MYOM2: variants seen among roughly 807,000 people sequenced by gnomAD.
MYOM2 encodes myomesin-2.
MYOM2 carries 254 observed loss-of-function variants against 187.6 expected under a neutral mutation model. That is an observed-to-expected ratio of 1.35 (90% confidence interval 1.22 to 1.50). The LOEUF (loss-of-function observed/expected upper bound fraction) is 1.50. Ranked by LOEUF, MYOM2 falls within the 40% of genes most tolerant of loss-of-function variation. The pLI is 0.00. For synonymous variants in MYOM2, 981 were observed against 753.8 expected (o/e 1.30, Z -4.94); for missense variants, 2,796 against 1,924.0 (o/e 1.45, Z -8.48).
At chr8:2,112,290 T>C (rs1797092755) in intron 25 of MYOM2, among the ~76,000 whole-genome samples, 1 of 150,240 alleles carries the variant, frequency 6.7e-6, no homozygotes, top group Non-Finnish European at 1.5e-5. Flanking sequence ...GTAAACACTC[T>C]CAGAATTCAG....
intron 27 of MYOM2, among the ~76,000 whole-genome samples, chr8:2,116,995 C>T (rs971441723): frequency 3.9e-5 from 6 of 152,210 alleles, no homozygotes; most frequent in African/African-American, 7.2e-5. Flanking sequence ...GATCTCCTGA[C>T]CTCGTGATCC....
At chr8:2,064,661 C>T (rs1375811489) in intron 6 of MYOM2, among the ~76,000 whole-genome samples, 1 of 152,220 alleles carries the variant, frequency 6.6e-6, no homozygotes, top group African/African-American at 2.4e-5. Context: ...TTGCACTCCC[C>T]TGGGATCTTA....
At chr8:2,111,436 AC>A (rs1797064505) in intron 25 of MYOM2, among the ~76,000 whole-genome samples, 1 of 152,188 alleles carries the variant, frequency 6.6e-6, no homozygotes, top group Non-Finnish European at 1.5e-5. Flanking sequence ...CTGAGAATCT[AC>A]TCAGTGAGAA....
At chr8:2,109,193 C>A in intron 24 of MYOM2, 1 of 582,158 alleles carries the variant, frequency 1.7e-6, no homozygotes, top group Non-Finnish European at 2.9e-6. Context: ...TAACTGAGAA[C>A]TCATGTGGCA....
At chr8:2,083,410 C>G (rs1348385079) in intron 13 of MYOM2, among the ~76,000 whole-genome samples, 2 of 151,630 alleles carry the variant, frequency 1.3e-5, no homozygotes. Flanking sequence ...CTAGTGGCAT[C>G]TCACGTGTGC....
intron 32 of MYOM2, 40 bp from the exon 33 acceptor site, chr8:2,140,683 G>C (rs1369677608): frequency 3.7e-6 from 6 of 1,603,306 alleles, no homozygotes; most frequent in Non-Finnish European, 5.1e-6. Context: ...GTGTGACATG[G>C]AGACCCTAAC....
rs1819767934 is a variant in MYOM2 at position 2,085,171 on chromosome 8, C to G, written c.1517-92C>G. The G allele has an allele frequency of 4.1e-6, 6 of 1,478,610 alleles. No homozygotes were observed. The South Asian group carries it at 5.2e-5, about 13-fold the overall frequency. 91.6% of individuals were successfully genotyped at this position (1,478,610 alleles called of 1,614,324 possible). On this transcript the variant is annotated intron_variant, in intron 13 of 36. Coordinates refer to ENST00000262113, the MANE Select transcript of MYOM2 (RefSeq NM_003970.4). ...AAATAGAAACAAAACAAGTTCAACA[C>G]CCACGTGGCAGAGTCCTCCAGTGCC...
intron 1 of MYOM2, among the ~76,000 whole-genome samples, chr8:2,048,637 C>T (rs1045686226): frequency 2.6e-5 from 4 of 152,156 alleles, no homozygotes; most frequent in African/African-American, 7.2e-5. Flanking sequence ...CCCCAGGCCT[C>T]ATCAGAATGC....
intron 36 of MYOM2, 136 bp downstream of exon 36, chr8:2,143,592 C>A: frequency 9.6e-7 from 1 of 1,043,492 alleles, no homozygotes; most frequent in Admixed American, 2.0e-5. Context: ...AACCCAGAGT[C>A]CCCCCCACTT....
intron 28 of MYOM2, among the ~76,000 whole-genome samples, chr8:2,121,169 T>A (rs1446740536): frequency 1.3e-5 from 2 of 152,190 alleles, no homozygotes; most frequent in Admixed American, 1.3e-4. Flanking sequence ...CAGAAAGGTA[T>A]GTTTCTTCCA....
At position 2,085,304 on chromosome 8, in the gene MYOM2, T is replaced by G; in HGVS notation, c.1558T>G (p.Ser520Ala). Residue 520 changes from serine (S) to alanine (A), a missense_variant, in exon 14 of 37, where the codon TCC becomes GCC. Ser to Ala is a moderately conservative substitution (Grantham distance 99). Coordinates refer to ENST00000262113, the MANE Select transcript of MYOM2 (RefSeq NM_003970.4). ...VPGPPTGVHA[S>A]EISRNYVVLS... ...AGGGCCTCCCACCGGTGTGCACGCT[T>G]CCGAGATCAGCAGAAACTATGTCGT... is the stretch of plus-strand genomic sequence containing the variant. 5.0e-6 allele frequency: 8 copies of G among 1,614,084 alleles called. No homozygotes were observed. The highest frequency in any genetic ancestry group is 6.8e-6 in the Non-Finnish European group (8 of 1,179,986).
At position 2,144,623 on chromosome 8, in the gene MYOM2, T is replaced by C. The variant is rs143661101; in HGVS notation, c.4081-41T>C. The stretch of plus-strand genomic sequence containing the variant: ...CCGAGGGGGTGACATGACTTTCCTT[T>C]TTCTAACTCTTCCTTCTCCACCAAC... On this transcript the variant is annotated intron_variant, in intron 36 of 36. Coordinates refer to ENST00000262113, the MANE Select transcript of MYOM2 (RefSeq NM_003970.4). The C allele has an allele frequency of 4.5e-3, 7,238 of 1,603,540 alleles. 18 individuals are homozygous for C. Among genetic ancestry groups the C allele is most frequent in the Non-Finnish European group, 5.6e-3 (6,586 of 1,176,220 alleles).
intron 32 of MYOM2, among the ~76,000 whole-genome samples, chr8:2,137,832 G>A (rs978270547): frequency 6.6e-6 from 1 of 152,148 alleles, no homozygotes; most frequent in African/African-American, 2.4e-5. Context: ...AGTGCATCCA[G>A]GGGGATAAAG....
chr8:2,130,009 G>A (rs1295261903), intron 32 of MYOM2, among the ~76,000 whole-genome samples: 7 of 152,038 alleles, frequency 4.6e-5, no homozygotes, highest in Non-Finnish European at 1.0e-4. Flanking sequence ...GCTATCCAAA[G>A]GATGACGTGT....
chr8:2,074,049 T>C (rs1819329485), intron 10 of MYOM2, among the ~76,000 whole-genome samples: 1 of 152,216 alleles, frequency 6.6e-6, no homozygotes, highest in Admixed American at 6.5e-5. Flanking sequence ...TGTCAGGCAG[T>C]GTGCTGGGGT....
At chr8:2,135,863 C>G (rs1798050974) in intron 32 of MYOM2, among the ~76,000 whole-genome samples, 1 of 152,152 alleles carries the variant, frequency 6.6e-6, no homozygotes, top group Non-Finnish European at 1.5e-5. Flanking sequence ...TTTTTGAGCA[C>G]TAGGACGTGT....
chr8:2,092,250 G>A, intron 15 of MYOM2, 96 bp from the exon 16 acceptor site: 1 of 1,406,148 alleles, frequency 7.1e-7, no homozygotes, highest in Non-Finnish European at 9.8e-7. Context: ...CCCCAGTCTG[G>A]CTGTCCAGTT....
chr8:2,075,507 C>T (rs1015213694), intron 10 of MYOM2, among the ~76,000 whole-genome samples: 1 of 152,116 alleles, frequency 6.6e-6, no homozygotes, highest in East Asian at 1.9e-4. Context: ...ATAGTGCTCA[C>T]CCTGCTAAGC....
At position 2,106,293 on chromosome 8, in the gene MYOM2, G is replaced by A; in HGVS notation, c.2786G>A (p.Gly929Asp). 6.2e-7 allele frequency: 1 copy of A among 1,614,158 alleles called. No homozygotes were observed. The highest frequency in any genetic ancestry group is 1.1e-5 in the South Asian group (1 of 91,078). ...GVDEQGNIYLGFDCQEMTDAS... is the reference protein window; with the variant it reads ...GVDEQGNIYLDFDCQEMTDAS... ...GATGAACAAGGCAACATCTATCTGG[G>A]CTTCGACTGCCAGGAAATGACAGAC... Residue 929 changes from glycine (G) to aspartate (D), a missense_variant, in exon 22 of 37, where the codon GGC (glycine) becomes GAC (aspartate). Gly to Asp is a moderately conservative substitution (Grantham distance 94, BLOSUM62 -1). Coordinates refer to ENST00000262113, the MANE Select transcript of MYOM2 (RefSeq NM_003970.4).
Sources: gnomAD v4.1 joint callset for allele counts (sites outside exome capture counted in the v4.1 genomes callset) on GRCh38, gnomAD v4.1.1 for gene constraint, MANE v1.5 for transcripts, NCBI Gene and HGNC (gene_info 2026-07-23, HGNC 2026-07-21) for gene names.